Variants in SORCS3 observed in about 807,000 individuals in gnomAD.
SORCS3 encodes VPS10 domain-containing receptor SorCS3.
SORCS3 carries 57 observed loss-of-function variants against 146.3 expected under a neutral mutation model. The ratio of observed to expected loss-of-function variants is 0.39; its 90% confidence interval spans 0.31 to 0.49. The LOEUF is 0.49. SORCS3 is among the 20% of genes least tolerant of loss of function. The pLI is 0.92. For synonymous variants in SORCS3, 653 were observed against 618.5 expected (o/e 1.06, Z -0.83); for missense variants, 1,341 against 1,575.5 (o/e 0.85, Z 2.52).
At position 104,641,657 on chromosome 10, in the gene SORCS3, G is replaced by A. The variant is rs908125648; in HGVS notation, c.330G>A (p.Pro110=). ...AGGTGGAAGCCGGAGGGACATCACC[G>A]GCAGGCGAGCGGCGGGGCCGGGGCA... ...EMQVEAGGTS[P]AGERRGRGIP... Residue 110 remains proline, a synonymous_variant, in exon 1 of 27, where the codon CCG becomes CCA. Coordinates refer to ENST00000369701, the MANE Select transcript of SORCS3 (RefSeq NM_014978.3). The surrounding 1 kb of genome is among the most constrained non-coding windows in gnomAD (Gnocchi z 6.4). 2 of 1,527,710 alleles carry A rather than the reference G, an allele frequency of 1.3e-6. No homozygotes were observed. Among genetic ancestry groups the A allele is most frequent in the Non-Finnish European group, 1.8e-6 (2 of 1,142,156 alleles). The allele number at this position is 1,527,710 out of a possible 1,614,324, so 94.6% of individuals were successfully genotyped here.
At chr10:105,237,518 G>A (rs528184343) in intron 20 of SORCS3, among the ~76,000 whole-genome samples, 2 of 152,234 alleles carry the variant, frequency 1.3e-5, no homozygotes, top group South Asian at 4.1e-4. Flanking sequence ...ATGTTTACTT[G>A]GTCCATTTGA....
At chr10:105,260,380 A>G (rs1275934684) in intron 25 of SORCS3, among the ~76,000 whole-genome samples, 1 of 152,170 alleles carries the variant, frequency 6.6e-6, no homozygotes, top group Non-Finnish European at 1.5e-5. Context: ...ATTAGACTGT[A>G]TTTTCATTTA....
intron 2 of SORCS3, among the ~76,000 whole-genome samples, chr10:104,893,041 A>G (rs1565425): frequency 0.37 from 56,092 of 151,966 alleles, 13,495 homozygotes; most frequent in African/African-American, 0.69. Context: ...AGAAGGAGCT[A>G]CCCTCTCTCA....
At chr10:104,699,085 C>CT (rs770261173) in intron 1 of SORCS3, among the ~76,000 whole-genome samples, 2 of 152,112 alleles carry the variant, frequency 1.3e-5, no homozygotes, top group Non-Finnish European at 2.9e-5. Flanking sequence ...TCCAGAGGAA[C>CT]TTACAGAGTG....
chr10:104,837,971 G>C (rs2018090044), intron 1 of SORCS3, among the ~76,000 whole-genome samples: 1 of 152,150 alleles, frequency 6.6e-6, no homozygotes, highest in Non-Finnish European at 1.5e-5. Flanking sequence ...TGTGTGCTGT[G>C]GGGGCAATTT....
At chr10:104,960,568 C>T (rs183246928) in intron 3 of SORCS3, among the ~76,000 whole-genome samples, 82 of 152,172 alleles carry the variant, frequency 5.4e-4, no homozygotes, top group Middle Eastern at 3.4e-3. Flanking sequence ...TCCTCTTCTG[C>T]GCCCATAATA....
At chr10:105,130,887 A>G (rs2056013944) in intron 7 of SORCS3, among the ~76,000 whole-genome samples, 1 of 152,132 alleles carries the variant, frequency 6.6e-6, no homozygotes, top group Non-Finnish European at 1.5e-5. Flanking sequence ...TGCTGATAGG[A>G]TGCCATGTTG....
chr10:105,235,425 G>C, intron 20 of SORCS3, among the ~76,000 whole-genome samples: 1 of 145,512 alleles, frequency 6.9e-6, no homozygotes, highest in Admixed American at 7.0e-5. Context: ...CTGGAGTTTT[G>C]AACTCTCAGA....
rs116943417 is a variant in SORCS3, at chr10:104,650,331, C to T, written c.627+8377C>T. On this transcript the variant is annotated intron_variant, in intron 1 of 26. Transcript: ENST00000369701. ...AATAGGATGAAATAACAAGACAATG[C>T]TGTACCAGGAATTGTTCCGAAGGAG... is the stretch of plus-strand genomic sequence containing the variant. Among the ~76,000 whole-genome samples the T allele has an allele frequency of 6.2e-4, 94 of 152,280 alleles. No individual in the cohort carries two copies. The East Asian group carries it at 0.018, about 29-fold the overall frequency.
At chr10:105,072,659 C>CTT (rs545305956) in intron 5 of SORCS3, among the ~76,000 whole-genome samples, 1 of 16,582 alleles carries the variant, frequency 6.0e-5, no homozygotes, top group Non-Finnish European at 1.3e-4. Context: ...CTCTCTCTCT[C>CTT]TTTTTTTTTT....
chr10:104,776,571 TG>T (rs1365101507), intron 1 of SORCS3, among the ~76,000 whole-genome samples: 11 of 152,212 alleles, frequency 7.2e-5, no homozygotes, highest in African/African-American at 2.7e-4. Flanking sequence ...TGGAATTAAA[TG>T]TCTGTTCTGT....
chr10:105,053,699 C>T (rs1251952048), intron 5 of SORCS3, among the ~76,000 whole-genome samples: 2 of 151,932 alleles, frequency 1.3e-5, no homozygotes. Flanking sequence ...GTGCCATCCT[C>T]TACTCTTTCT....
At chr10:104,781,479 A>C (rs1269977539) in intron 1 of SORCS3, among the ~76,000 whole-genome samples, 1 of 152,212 alleles carries the variant, frequency 6.6e-6, no homozygotes, top group Non-Finnish European at 1.5e-5. Context: ...TATTCTGGCC[A>C]TTTCAGGGGC....
At chr10:104,825,746 C>A (rs115246242) in intron 1 of SORCS3, among the ~76,000 whole-genome samples, 1 of 152,116 alleles carries the variant, frequency 6.6e-6, no homozygotes, top group Non-Finnish European at 1.5e-5. Flanking sequence ...CCTGTTGCTG[C>A]GCTGCATGCT....
At chr10:104,905,200 A>T (rs904893910) in intron 2 of SORCS3, among the ~76,000 whole-genome samples, 8 of 152,130 alleles carry the variant, frequency 5.3e-5, no homozygotes, top group African/African-American at 1.7e-4. Context: ...CAGAGCAATC[A>T]CTCCATAATT....
chr10:104,812,456 C>T (rs931618054), intron 1 of SORCS3, among the ~76,000 whole-genome samples: 1 of 152,204 alleles, frequency 6.6e-6, no homozygotes, highest in African/African-American at 2.4e-5. Flanking sequence ...ATAAACAAAA[C>T]CTCTTCTACT....
intron 14 of SORCS3, among the ~76,000 whole-genome samples, chr10:105,186,712 G>A (rs914821531): frequency 5.9e-5 from 9 of 151,682 alleles, no homozygotes; most frequent in African/African-American, 1.9e-4. Context: ...GTGAAACCCC[G>A]TCTCTACTAA....
chr10:105,202,642 C>T (rs375958858), intron 16 of SORCS3, among the ~76,000 whole-genome samples: 39 of 152,288 alleles, frequency 2.6e-4, no homozygotes, highest in African/African-American at 9.4e-4. Context: ...GCTGGGAATG[C>T]AGGAGTTTTA....
At position 105,257,698 on chromosome 10, in the gene SORCS3, C is replaced by T. The variant is rs571623368; in HGVS notation, c.3443+774C>T. 9.2e-5 allele frequency among the ~76,000 whole-genome samples: 14 copies of T among 152,244 alleles called. No homozygotes were observed. The East Asian group carries it at 2.7e-3, about 29-fold the overall frequency. ...TTGCCTCTCTAAGTCTTAATTTCTT[C>T]ACTGGTAAAATGAGAATAGCAATAA... On this transcript the variant is annotated intron_variant, in intron 25 of 26. Transcript: ENST00000369701.
Sources: allele counts gnomAD v4.1 joint callset (sites outside exome capture counted in the v4.1 genomes callset), GRCh38; gene constraint gnomAD v4.1.1; non-coding constraint Gnocchi (gnomAD v3.1); transcripts MANE v1.5; gene names NCBI Gene and HGNC (gene_info 2026-07-23, HGNC 2026-07-21).